Variants in FOXC2 observed in about 807,000 individuals in gnomAD.
FOXC2 encodes forkhead box protein C2.
Under a neutral mutation model 7.2 loss-of-function variants are expected in FOXC2, and 7 were observed. The observed-to-expected ratio is 0.97, with a 90% CI of 0.55 to 1.81. The LOEUF is 1.81. Among genes scored for constraint, FOXC2 ranks in the 40% most tolerant of loss-of-function variants. The pLI is 0.00. For synonymous variants in FOXC2, 436 were observed against 350.4 expected, an observed-to-expected ratio of 1.24 and a Z score of -2.73; for missense variants, 846 against 741.2, an observed-to-expected ratio of 1.14 and a Z score of -1.64.
rs1974251291 is a variant in FOXC2 at position 86,569,374 on chromosome 16, C to T, written c.*533C>T. ...TTAATATAATATTTAAAGTTGAGTT[C>T]ACTGGATAAGTTTTTCATCTTGCCC... On this transcript the variant is annotated 3_prime_UTR_variant, in exon 1 of 1. Coordinates refer to ENST00000649859, the MANE Select transcript of FOXC2 (RefSeq NM_005251.3). 1 of 168,660 alleles carries T rather than the reference C, an allele frequency of 5.9e-6. No homozygotes were observed. The highest frequency in any genetic ancestry group is 6.4e-5 in the Admixed American group (1 of 15,702). The allele number at this position is 168,660 out of a possible 1,614,324, so 10.4% of individuals were successfully genotyped here.
In FOXC2 at chr16:86,567,859, A is replaced by G. The variant is rs970711015; in HGVS notation, c.524A>G (p.Lys175Arg). 3 of 1,611,926 alleles carry G rather than the reference A, an allele frequency of 1.9e-6. No individual in the cohort carries two copies. The African/African-American group carries it at 4.0e-5, about 22-fold the overall frequency. ...CGCTTCAAAAAGAAGGACGTGTCCA[A>G]GGAGAAGGAGGAGCGGGCCCACCTC... The part of the protein sequence containing the change: ...RRRFKKKDVS[K>R]EKEERAHLKE... Residue 175 changes from lysine (K) to arginine (R), a missense_variant, in exon 1 of 1, where the codon AAG becomes AGG. Transcript: ENST00000649859.
Position 86,568,416 on chromosome 16 carries a change from C to A in FOXC2, c.1081C>A (p.His361Asn). ...CGCCCTGGACGAGGCCCTCTCGGACCACCCGAGCGGCCCCACGTCGCCCCT... is the reference window on the plus strand; with the variant it reads ...CGCCCTGGACGAGGCCCTCTCGGACAACCCGAGCGGCCCCACGTCGCCCCT... The part of the protein sequence containing the change: ...PPALDEALSD[H>N]PSGPTSPLSA... Residue 361 changes from histidine to asparagine, a missense_variant, in exon 1 of 1, where the codon CAC becomes AAC. Physicochemically the swap from His to Asn is moderately conservative, Grantham distance 68. Transcript: ENST00000649859. The surrounding 1 kb of genome is among the most constrained non-coding windows in gnomAD (Gnocchi z 5.2). 7.2e-7 allele frequency: 1 copy of A among 1,390,294 alleles called. No homozygotes were observed. Among genetic ancestry groups the A allele is most frequent in the South Asian group, 1.5e-5 (1 of 68,326 alleles). The allele number at this position is 1,390,294 out of a possible 1,614,324, so 86.1% of individuals were successfully genotyped here.
Position 86,568,357 on chromosome 16 carries a change from G to C in FOXC2, c.1022G>C (p.Gly341Ala), listed in dbSNP as rs1235420981. 1.5e-6 allele frequency: 2 copies of C among 1,373,076 alleles called. No homozygotes were observed. Among genetic ancestry groups the C allele is most frequent in the African/African-American group, 1.5e-5 (1 of 67,028 alleles). The allele number at this position is 1,373,076 out of a possible 1,614,324, so 85.1% of individuals were successfully genotyped here. Residue 341 changes from glycine (G) to alanine (A), a missense_variant, in exon 1 of 1, where the codon GGG (glycine) becomes GCG (alanine). Physicochemically the swap from Gly to Ala is moderately conservative, Grantham distance 60 (BLOSUM62 0). Transcript: ENST00000649859. The surrounding 1 kb of genome is among the most constrained non-coding windows in gnomAD (Gnocchi z 5.2). ...ATGCGAGCGATGAGCCTGTACACCG[G>C]GGCCGAGCGGCCGGCGCACATGTGC... ...CSMRAMSLYTGAERPAHMCVP... is the reference protein window; with the variant it reads ...CSMRAMSLYTAAERPAHMCVP...
Position 86,568,060 on chromosome 16 carries a change from G to C in FOXC2, c.725G>C (p.Arg242Pro), listed in dbSNP as rs994829679. 1.2e-5 allele frequency: 17 copies of C among 1,446,020 alleles called. No individual in the cohort carries two copies. The highest frequency in any genetic ancestry group is 2.3e-4 in the Middle Eastern group (1 of 4,348). The allele number at this position is 1,446,020 out of a possible 1,614,324, so 89.6% of individuals were successfully genotyped here. A position where few individuals can be genotyped will look rare whatever the true frequency, so the allele number is the denominator to read the frequency against. ...SPESALQGSP[R>P]SAASTPAGSP... ...GAGAGCGCGCTGCAGGGCAGCCCGC[G>C]CAGCGCGGCCTCCACGCCCGCCGGC... The change falls in exon 1 of 1, where the codon CGC (arginine) becomes CCC (proline). Residue 242 changes from arginine to proline, a missense_variant. Physicochemically the swap from Arg to Pro is moderately radical, Grantham distance 103. Around this residue, in one of 3 missense-constraint regions of FOXC2, gnomAD observed 640 missense variants for 503.2 expected, o/e 1.27. Coordinates refer to ENST00000649859, the MANE Select transcript of FOXC2 (RefSeq NM_005251.3). This position sits in a 1 kb window ranked among gnomAD's most constrained non-coding sequence, Gnocchi z 5.2.
Position 86,568,534 on chromosome 16 carries a change from C to A in FOXC2, c.1199C>A (p.Pro400Gln). 1 of 1,285,734 alleles carries A rather than the reference C, an allele frequency of 7.8e-7. No individual in the cohort carries two copies. Among genetic ancestry groups the A allele is most frequent in the African/African-American group, 1.6e-5 (1 of 64,084 alleles). The allele number at this position is 1,285,734 out of a possible 1,614,324, so 79.6% of individuals were successfully genotyped here. Residue 400 changes from proline to glutamine, a missense_variant, in exon 1 of 1, where the codon CCG becomes CAG. By Grantham distance (76) the Pro-to-Gln change is moderately conservative. Coordinates refer to ENST00000649859, the MANE Select transcript of FOXC2 (RefSeq NM_005251.3). The surrounding 1 kb of genome is among the most constrained non-coding windows in gnomAD (Gnocchi z 5.2). Reference sequence around the variant, plus strand: ...CACGGCCACCACCACCCGCAGGCGCCGCCGCCCCCGCCGGCTCCCCAGCCC... The same window carrying A: ...CACGGCCACCACCACCCGCAGGCGCAGCCGCCCCCGCCGGCTCCCCAGCCC... ...QHHGHHHPQA[P>Q]PPPPAPQPQP...
At position 86,567,987 on chromosome 16, in the gene FOXC2, G is replaced by C; in HGVS notation, c.652G>C (p.Ala218Pro). Reference protein sequence around the residue: ...EKKVVIKSEAASPALPVITKV... With the variant: ...EKKVVIKSEAPSPALPVITKV... ...GAAGGTGGTGATCAAGAGCGAGGCG[G>C]CGTCCCCGGCGCTGCCGGTCATCAC... is the stretch of plus-strand genomic sequence containing the variant. Residue 218 changes from alanine (A) to proline (P), a missense_variant, in exon 1 of 1, where the codon GCG (alanine) becomes CCG (proline). Physicochemically the swap from Ala to Pro is conservative, Grantham distance 27. Coordinates refer to ENST00000649859, the MANE Select transcript of FOXC2 (RefSeq NM_005251.3). 6.6e-7 allele frequency: 1 copy of C among 1,509,934 alleles called. No homozygotes were observed. The highest frequency in any genetic ancestry group is 1.3e-5 in the South Asian group (1 of 77,778). The allele number at this position is 1,509,934 out of a possible 1,614,324, so 93.5% of individuals were successfully genotyped here.
chr16:86,567,580 C>T lies in FOXC2; in HGVS notation c.245C>T (p.Thr82Ile). Residue 82 changes from threonine to isoleucine, a missense_variant, in exon 1 of 1, where the codon ACC becomes ATC. Transcript: ENST00000649859. ...KPPYSYIALI[T>I]MAIQNAPEKK... ...CCCTACAGCTACATCGCGCTCATCA[C>T]CATGGCCATCCAGAACGCGCCCGAG... The T allele has an allele frequency of 6.2e-7, 1 of 1,614,062 alleles. No individual in the cohort carries two copies. Among genetic ancestry groups the T allele is most frequent in the Non-Finnish European group, 8.5e-7 (1 of 1,179,992 alleles).
chr16:86,568,330 G>A lies in FOXC2; in HGVS notation c.995G>A (p.Ser332Asn). 7.6e-7 allele frequency: 1 copy of A among 1,319,488 alleles called. No homozygotes were observed. The highest frequency in any genetic ancestry group is 9.7e-7 in the Non-Finnish European group (1 of 1,032,622). The allele number at this position is 1,319,488 out of a possible 1,614,324, so 81.7% of individuals were successfully genotyped here. Reference protein sequence around the residue: ...EAGAAGGYQCSMRAMSLYTGA... With the variant: ...EAGAAGGYQCNMRAMSLYTGA... The stretch of plus-strand genomic sequence containing the variant: ...GGGGCCGCCGGGGGCTACCAGTGCA[G>A]CATGCGAGCGATGAGCCTGTACACC... Residue 332 changes from serine (S) to asparagine (N), a missense_variant, in exon 1 of 1, where the codon AGC becomes AAC. Coordinates refer to ENST00000649859, the MANE Select transcript of FOXC2 (RefSeq NM_005251.3). This position sits in a 1 kb window ranked among gnomAD's most constrained non-coding sequence, Gnocchi z 5.2.
chr16:86,567,523 A>T lies in FOXC2; in HGVS notation c.188A>T (p.Gln63Leu). The change falls in exon 1 of 1, where the codon CAG becomes CTG. Residue 63 changes from glutamine (Q) to leucine (L), a missense_variant. Around this residue, in one of 3 missense-constraint regions of FOXC2, gnomAD observed 154 missense variants for 134.2 expected, o/e 1.15. Transcript: ENST00000649859. The stretch of plus-strand genomic sequence containing the variant: ...TCCTACGCGCCCTACCACCACCACC[A>T]GCCCGCGGCGCCTAAGGACCTGGTG... ...GRSYAPYHHH[Q>L]PAAPKDLVKP... is the part of the protein sequence containing the mutation. 1 of 1,614,028 alleles carries T rather than the reference A, an allele frequency of 6.2e-7. No individual in the cohort carries two copies. The highest frequency in any genetic ancestry group is 8.5e-7 in the Non-Finnish European group (1 of 1,179,994).
chr16:86,567,401 G>A lies in FOXC2; in HGVS notation c.66G>A (p.Gln22=), dbSNP rs899324575. 1.2e-6 allele frequency: 2 copies of A among 1,613,208 alleles called. No individual in the cohort carries two copies. The highest frequency in any genetic ancestry group is 8.5e-7 in the Non-Finnish European group (1 of 1,179,858). The change falls in exon 1 of 1, where the codon CAG becomes CAA. Residue 22 remains glutamine (Q), a synonymous_variant. Coordinates refer to ENST00000649859, the MANE Select transcript of FOXC2 (RefSeq NM_005251.3). The part of the protein sequence containing the change: ...ALGVVPYLSE[Q]NYYRAAGSYG... ...GAGTGGTGCCCTACCTGAGCGAGCAGAATTACTACCGGGCTGCGGGCAGCT... is the reference window on the plus strand; with the variant it reads ...GAGTGGTGCCCTACCTGAGCGAGCAAAATTACTACCGGGCTGCGGGCAGCT...
In FOXC2 at chr16:86,568,224, G is replaced by C. The variant is rs1047896062; in HGVS notation, c.889G>C (p.Val297Leu). 4 of 1,277,600 alleles carry C rather than the reference G, an allele frequency of 3.1e-6. No individual in the cohort carries two copies. In the South Asian group the frequency reaches 1.1e-4, roughly 35 times the overall value. 79.1% of individuals were successfully genotyped at this position (1,277,600 alleles called of 1,614,324 possible). The change falls in exon 1 of 1, where the codon GTG becomes CTG. Residue 297 changes from valine to leucine, a missense_variant. Around this residue, in one of 3 missense-constraint regions of FOXC2, gnomAD observed 640 missense variants for 503.2 expected, o/e 1.27. Transcript: ENST00000649859. The surrounding 1 kb of genome is among the most constrained non-coding windows in gnomAD (Gnocchi z 5.2). Reference protein sequence around the residue: ...LSPGAGRAGLVVPPLALPYAA... With the variant: ...LSPGAGRAGLLVPPLALPYAA... ...CCCGGGGGCCGGACGCGCGGGCCTG[G>C]TGGTGCCGCCGCTGGCGCTGCCCTA...
rs1354501421 is a variant in FOXC2 at position 86,568,485 on chromosome 16, G to C, written c.1150G>C (p.Ala384Pro). The C allele has an allele frequency of 7.7e-7, 1 of 1,300,416 alleles. No individual in the cohort carries two copies. Among genetic ancestry groups the C allele is most frequent in the East Asian group, 3.4e-5 (1 of 29,514 alleles). The allele number at this position is 1,300,416 out of a possible 1,614,324, so 80.6% of individuals were successfully genotyped here. The stretch of plus-strand genomic sequence containing the variant: ...CGCCGGCCAGGAGGGCGCGCTCGCC[G>C]CCACGGGCCACCACCACCAGCACCA... ...LAAGQEGALA[A>P]TGHHHQHHGH... The change falls in exon 1 of 1, where the codon GCC becomes CCC. Residue 384 changes from alanine to proline, a missense_variant. Around this residue, in one of 3 missense-constraint regions of FOXC2, gnomAD observed 640 missense variants for 503.2 expected, o/e 1.27. Coordinates refer to ENST00000649859, the MANE Select transcript of FOXC2 (RefSeq NM_005251.3). The surrounding 1 kb of genome is among the most constrained non-coding windows in gnomAD (Gnocchi z 5.2).
Position 86,568,247 on chromosome 16 carries a change from C to T in FOXC2, c.912C>T (p.Pro304=). 1.6e-6 allele frequency: 2 copies of T among 1,266,686 alleles called. No homozygotes were observed. The highest frequency in any genetic ancestry group is 2.0e-6 in the Non-Finnish European group (2 of 1,009,212). 78.5% of individuals were successfully genotyped at this position (1,266,686 alleles called of 1,614,324 possible). A position where few individuals can be genotyped will look rare whatever the true frequency, so the allele number is the denominator to read the frequency against. Reference sequence around the variant, plus strand: ...TGGTGGTGCCGCCGCTGGCGCTGCCCTACGCCGCCGCGCCGCCCGCCGCCT... The same window carrying T: ...TGGTGGTGCCGCCGCTGGCGCTGCCTTACGCCGCCGCGCCGCCCGCCGCCT... ...AGLVVPPLAL[P]YAAAPPAAYG... is the part of the protein sequence containing the mutation. The change falls in exon 1 of 1, where the codon CCC becomes CCT. Residue 304 remains proline, a synonymous_variant. Coordinates refer to ENST00000649859, the MANE Select transcript of FOXC2 (RefSeq NM_005251.3). This position sits in a 1 kb window ranked among gnomAD's most constrained non-coding sequence, Gnocchi z 5.2.
At position 86,569,264 on chromosome 16, in the gene FOXC2, A is replaced by G. The variant is rs1974250102; in HGVS notation, c.*423A>G. On this transcript the variant is annotated 3_prime_UTR_variant, in exon 1 of 1. Transcript: ENST00000649859. ...TATAGATAATATATGTGCTGTGTGT[A>G]ATTTTAAATTTCTCCAACCGTGCTG... The G allele has an allele frequency of 4.8e-6, 1 of 207,132 alleles. No individual in the cohort carries two copies. The highest frequency in any genetic ancestry group is 5.3e-5 in the Admixed American group (1 of 18,994). 12.8% of individuals were successfully genotyped at this position (207,132 alleles called of 1,614,324 possible).
rs138318843 is a variant in FOXC2, at chr16:86,567,443, C to T, written c.108C>T (p.Ser36=). ...RAAGSYGGMA[S]PMGVYSGHPE... is the part of the protein sequence containing the mutation. ...CGGGCAGCTACGGCGGCATGGCCAG[C>T]CCCATGGGCGTCTATTCCGGCCACC... Residue 36 remains serine (S), a synonymous_variant, in exon 1 of 1, where the codon AGC becomes AGT. Coordinates refer to ENST00000649859, the MANE Select transcript of FOXC2 (RefSeq NM_005251.3). 7.9e-3 allele frequency: 12,771 copies of T among 1,613,278 alleles called. 72 individuals carry two copies. The highest frequency in any genetic ancestry group is 0.026 in the Middle Eastern group (156 of 6,062).
In FOXC2 at chr16:86,568,174, C is replaced by T; in HGVS notation, c.839C>T (p.Thr280Met). The change falls in exon 1 of 1, where the codon ACG (threonine) becomes ATG (methionine). Residue 280 changes from threonine (T) to methionine (M), a missense_variant. By Grantham distance (81) the Thr-to-Met change is moderately conservative. Transcript: ENST00000649859. This position sits in a 1 kb window ranked among gnomAD's most constrained non-coding sequence, Gnocchi z 5.2. ...GTGGAGAACATCATGACCCTGCGAA[C>T]GTCGCCGCCGGGCGGAGAGCTGAGC... is the stretch of plus-strand genomic sequence containing the variant. ...FSVENIMTLR[T>M]SPPGGELSPG... 1 of 1,287,408 alleles carries T rather than the reference C, an allele frequency of 7.8e-7. No individual in the cohort carries two copies. Among genetic ancestry groups the T allele is most frequent in the Non-Finnish European group, 9.8e-7 (1 of 1,024,804 alleles). 79.7% of individuals were successfully genotyped at this position (1,287,408 alleles called of 1,614,324 possible).
Position 86,569,004 on chromosome 16 carries a change from C to A in FOXC2, c.*163C>A. The A allele has an allele frequency of 1.1e-6, 1 of 941,706 alleles. No homozygotes were observed. The highest frequency in any genetic ancestry group is 1.6e-6 in the Non-Finnish European group (1 of 611,542). 58.3% of individuals were successfully genotyped at this position (941,706 alleles called of 1,614,324 possible). ...GAGAGCGGGCACGCTAGCCCCCAGC[C>A]GTCTGTGAAGAGCGCAGGTAACTTT... On this transcript the variant is annotated 3_prime_UTR_variant, in exon 1 of 1. Coordinates refer to ENST00000649859, the MANE Select transcript of FOXC2 (RefSeq NM_005251.3).
rs768556399 is a variant in FOXC2, at chr16:86,568,642, C to A, written c.1307C>A (p.Pro436His). ...LNHSGDLNHLPGHTFAAQQQT... is the reference protein window; with the variant it reads ...LNHSGDLNHLHGHTFAAQQQT... Reference sequence around the variant, plus strand: ...CACAGCGGGGACCTGAACCACCTCCCCGGCCACACGTTCGCGGCCCAGCAG... The same window carrying A: ...CACAGCGGGGACCTGAACCACCTCCACGGCCACACGTTCGCGGCCCAGCAG... Residue 436 changes from proline (P) to histidine (H), a missense_variant, in exon 1 of 1, where the codon CCC becomes CAC. By Grantham distance (77) the Pro-to-His change is moderately conservative (BLOSUM62 -2). Transcript: ENST00000649859. The surrounding 1 kb of genome is among the most constrained non-coding windows in gnomAD (Gnocchi z 5.2). 3.1e-6 allele frequency: 5 copies of A among 1,612,596 alleles called. No homozygotes were observed. The South Asian group carries it at 4.4e-5, about 14-fold the overall frequency.
Position 86,568,251 on chromosome 16 carries a change from G to A in FOXC2, c.916G>A (p.Ala306Thr), listed in dbSNP as rs1974228481. The A allele has an allele frequency of 2.4e-6, 3 of 1,254,156 alleles. No individual in the cohort carries two copies. The highest frequency in any genetic ancestry group is 4.0e-5 in the Admixed American group (1 of 25,242). 77.7% of individuals were successfully genotyped at this position (1,254,156 alleles called of 1,614,324 possible). A position where few individuals can be genotyped will look rare whatever the true frequency, so the allele number is the denominator to read the frequency against. The change falls in exon 1 of 1, where the codon GCC becomes ACC. Residue 306 changes from alanine (A) to threonine (T), a missense_variant. Transcript: ENST00000649859. This position sits in a 1 kb window ranked among gnomAD's most constrained non-coding sequence, Gnocchi z 5.2. ...LVVPPLALPY[A>T]AAPPAAYGQP... ...GGTGCCGCCGCTGGCGCTGCCCTAC[G>A]CCGCCGCGCCGCCCGCCGCCTACGG...
Sources: gnomAD v4.1 joint callset for allele counts on GRCh38, gnomAD v4.1.1 for gene constraint, gnomAD v4.1.1 regional missense constraint, Gnocchi (gnomAD v3.1) non-coding constraint, MANE v1.5 for transcripts, NCBI Gene and HGNC (gene_info 2026-07-23, HGNC 2026-07-21) for gene names.